Variants in L3MBTL4 observed in about 807,000 individuals in gnomAD.
L3MBTL4 encodes the protein lethal(3)malignant brain tumor-like protein 4.
Under a neutral mutation model 84.5 loss-of-function variants are expected in L3MBTL4, and 70 were observed. The ratio of observed to expected loss-of-function variants is 0.83; its 90% CI spans 0.68 to 1.01. The LOEUF (loss-of-function observed/expected upper bound fraction) is 1.01. L3MBTL4 is among the 50% of genes least tolerant of loss of function. The probability of loss-of-function intolerance (pLI) is 0.00; values close to 1 mark genes in which losing one functional copy is unlikely to be tolerated. For missense variants in L3MBTL4, 715 were observed against 754.8 expected, an observed-to-expected ratio of 0.95 and a Z score of 0.62; for synonymous variants, 274 against 259.8, an observed-to-expected ratio of 1.05 and a Z score of -0.52.
intron 14 of L3MBTL4, among the ~76,000 whole-genome samples, chr18:6,118,993 C>CTTTTTTTTTTTTTT (rs779523685): frequency 1.1e-4 from 9 of 83,710 alleles, no homozygotes; most frequent in Non-Finnish European, 1.6e-4. Flanking sequence ...TTTTTGGTTT[C>CTTTTTTTTTTTTTT]TTTTTTTTTT....
At chr18:6,231,729 AC>A (rs2047007100) in intron 10 of L3MBTL4, among the ~76,000 whole-genome samples, 1 of 152,130 alleles carries the variant, frequency 6.6e-6, no homozygotes, top group Non-Finnish European at 1.5e-5. Context: ...AAGAAATGCA[AC>A]TGATTTTTGT....
chr18:5,968,593 A>G (rs1248687819), intron 17 of L3MBTL4, among the ~76,000 whole-genome samples: 1 of 151,974 alleles, frequency 6.6e-6, no homozygotes, highest in Non-Finnish European at 1.5e-5. Context: ...GCTACTCAGG[A>G]GGTTGAAGTG....
intron 10 of L3MBTL4, among the ~76,000 whole-genome samples, chr18:6,226,127 G>A (rs760286880): frequency 9.4e-5 from 14 of 148,730 alleles, no homozygotes; most frequent in Admixed American, 5.3e-4. Flanking sequence ...GATAATGTCC[G>A]CCAGATGTGG....
At chr18:5,988,590 C>T (rs1024302840) in intron 16 of L3MBTL4, among the ~76,000 whole-genome samples, 5 of 152,096 alleles carry the variant, frequency 3.3e-5, no homozygotes, top group African/African-American at 1.2e-4. Context: ...GGCCACTAGA[C>T]AAAATTATCA....
intron 4 of L3MBTL4, among the ~76,000 whole-genome samples, chr18:6,285,573 G>A (rs1362716999): frequency 6.6e-6 from 1 of 151,930 alleles, no homozygotes; most frequent in Non-Finnish European, 1.5e-5. Context: ...AACTAAAACA[G>A]AGCCAAGAAG....
chr18:6,212,442 G>A (rs570639039), intron 12 of L3MBTL4, among the ~76,000 whole-genome samples: 1 of 152,206 alleles, frequency 6.6e-6, no homozygotes, highest in East Asian at 1.9e-4. Context: ...TACTTGCATG[G>A]AAAATAACTT....
rs2048827343 is a variant in L3MBTL4, at chr18:6,270,658, A to G, written c.128-6620T>C. ...CAATCCAGGGAGAAGCAGCATGGGC[A>G]AAGCCAGGAGAGTGGAAAGAAAGAG... On this transcript the variant is annotated intron_variant, in intron 4 of 18. Coordinates refer to ENST00000317931, the MANE Select transcript of L3MBTL4 (RefSeq NM_001330559.2). Among the ~76,000 whole-genome samples the G allele has an allele frequency of 5.9e-5, 9 of 152,208 alleles. No homozygotes were observed. In the East Asian group the frequency reaches 1.7e-3, roughly 29 times the overall value.
intron 1 of L3MBTL4, among the ~76,000 whole-genome samples, chr18:6,361,739 G>A (rs1256651115): frequency 6.6e-6 from 1 of 152,152 alleles, no homozygotes; most frequent in African/African-American, 2.4e-5. Context: ...GGGTTCCACA[G>A]ATGACCTCCA....
intron 16 of L3MBTL4, among the ~76,000 whole-genome samples, chr18:5,989,264 A>C (rs1419604207): frequency 6.6e-6 from 1 of 152,236 alleles, no homozygotes; most frequent in Non-Finnish European, 1.5e-5. Context: ...TGTGTTGTCC[A>C]AACAATCATG....
chr18:6,187,885 T>G (rs1005561028), intron 12 of L3MBTL4, among the ~76,000 whole-genome samples: 5 of 147,266 alleles, frequency 3.4e-5, no homozygotes, highest in East Asian at 2.0e-4. Context: ...AAAAAAAAAG[T>G]GGTGTCTGCT....
intron 16 of L3MBTL4, among the ~76,000 whole-genome samples, chr18:6,078,476 T>C (rs1444798650): frequency 1.4e-5 from 2 of 142,278 alleles, no homozygotes; most frequent in East Asian, 2.0e-4. Flanking sequence ...AGGAAGGACA[T>C]GGGTACTGGA....
chr18:6,024,148 A>ATT (rs762999485), intron 16 of L3MBTL4, among the ~76,000 whole-genome samples: 1 of 152,178 alleles, frequency 6.6e-6, no homozygotes, highest in Non-Finnish European at 1.5e-5. Flanking sequence ...AAGTGCTGGG[A>ATT]TTACAGGTGT....
intron 16 of L3MBTL4, among the ~76,000 whole-genome samples, chr18:5,971,340 G>T (rs2052632947): frequency 6.6e-6 from 1 of 152,148 alleles, no homozygotes; most frequent in Admixed American, 6.5e-5. Flanking sequence ...TTAAAGCCCT[G>T]CACTCTTAGG....
chr18:6,203,423 C>T (rs1476489456), intron 12 of L3MBTL4, among the ~76,000 whole-genome samples: 2 of 152,114 alleles, frequency 1.3e-5, no homozygotes, highest in Non-Finnish European at 2.9e-5. Context: ...GTAATTGGCT[C>T]ATAAAGTTGA....
rs973211911 is a variant in L3MBTL4 at position 6,138,287 on chromosome 18, T to G, written c.1106A>C (p.Asp369Ala). The change falls in exon 14 of 19, where the codon GAC becomes GCC. Residue 369 changes from aspartate to alanine, a missense_variant. By Grantham distance (126) the Asp-to-Ala change is moderately radical (BLOSUM62 -2). Coordinates refer to ENST00000317931, the MANE Select transcript of L3MBTL4 (RefSeq NM_001330559.2). ...HPLEVPQRTN[D>A]LKILPGQAVC... is the part of the protein sequence containing the mutation. ...AGCTTGACCTGGAAGGATCTTCAGG[T>G]CATTCGTTCCTTCAGGAAGTAAAAG... 1 of 1,609,390 alleles carries G rather than the reference T, an allele frequency of 6.2e-7. No homozygotes were observed.
chr18:6,204,247 G>A (rs764415282), intron 12 of L3MBTL4, among the ~76,000 whole-genome samples: 10 of 152,186 alleles, frequency 6.6e-5, no homozygotes, highest in Non-Finnish European at 1.5e-4. Flanking sequence ...AGCACTGGCC[G>A]TGCCAAGAAC....
chr18:5,999,307 C>T (rs2054116537), intron 16 of L3MBTL4, among the ~76,000 whole-genome samples: 1 of 152,210 alleles, frequency 6.6e-6, no homozygotes, highest in South Asian at 2.1e-4. Context: ...CTGATTCCCA[C>T]AAAGAGAATC....
intron 1 of L3MBTL4, among the ~76,000 whole-genome samples, chr18:6,323,863 T>A (rs904913012): frequency 6.6e-6 from 1 of 152,212 alleles, no homozygotes; most frequent in Non-Finnish European, 1.5e-5. Context: ...CAGATCCTAA[T>A]AGCTAAGACA....
chr18:5,972,657 GT>G (rs1216071701), intron 16 of L3MBTL4, among the ~76,000 whole-genome samples: 1 of 152,086 alleles, frequency 6.6e-6, no homozygotes, highest in Non-Finnish European at 1.5e-5. Flanking sequence ...CAGGTCTAAT[GT>G]CTTCTACAGC....
Sources: allele counts gnomAD v4.1 joint callset (sites outside exome capture counted in the v4.1 genomes callset), GRCh38; gene constraint gnomAD v4.1.1; transcripts MANE v1.5; gene names NCBI Gene and HGNC (gene_info 2026-07-23, HGNC 2026-07-21).